Variants in FNDC3A observed in about 807,000 individuals in gnomAD.
The protein encoded by FNDC3A is fibronectin type-III domain-containing protein 3A.
In FNDC3A, 32 loss-of-function variants were observed where a neutral mutation model predicts 148.9. The ratio of observed to expected loss-of-function variants is 0.21; its 90% CI spans 0.16 to 0.29. The LOEUF (loss-of-function observed/expected upper bound fraction) is 0.29, where lower values mean the gene tolerates loss of function less well. Among genes scored for constraint, FNDC3A ranks in the 10% least tolerant of loss-of-function variants. The probability of loss-of-function intolerance (pLI) is 1.00; values close to 1 mark genes in which losing one functional copy is unlikely to be tolerated. For missense variants in FNDC3A, 1,191 were observed against 1,452.8 expected (o/e 0.82, Z 2.93); for synonymous variants, 472 against 473.6 (o/e 1.00, Z 0.04).
At chr13:49,163,174 C>G (rs962871126) in intron 8 of FNDC3A, among the ~76,000 whole-genome samples, 33 of 152,324 alleles carry the variant, frequency 2.2e-4, no homozygotes, top group African/African-American at 7.9e-4. Context: ...AGCTGTCAGA[C>G]AGGAACGTTG....
intron 25 of FNDC3A, among the ~76,000 whole-genome samples, chr13:49,205,648 A>G (rs986680887): frequency 6.6e-6 from 1 of 152,170 alleles, no homozygotes; most frequent in Non-Finnish European, 1.5e-5. Flanking sequence ...CTTATAAGGG[A>G]TACCCAACCT....
intron 1 of FNDC3A, among the ~76,000 whole-genome samples, chr13:48,985,657 CA>C (rs1005523552): frequency 1.3e-5 from 2 of 151,778 alleles, no homozygotes; most frequent in South Asian, 2.1e-4. Context: ...CATACACACA[CA>C]AAAAAAATAC....
intron 6 of FNDC3A, among the ~76,000 whole-genome samples, chr13:49,137,673 A>G (rs1044067645): frequency 2.6e-5 from 4 of 152,198 alleles, no homozygotes; most frequent in African/African-American, 9.7e-5. Flanking sequence ...ATATACTTGA[A>G]TCAATCTCTA....
At chr13:49,116,354 A>C (rs1336356329) in intron 4 of FNDC3A, among the ~76,000 whole-genome samples, 1 of 152,198 alleles carries the variant, frequency 6.6e-6, no homozygotes, top group African/African-American at 2.4e-5. Flanking sequence ...CCTATGTTCA[A>C]CAGTGTTCCA....
chr13:49,061,106 GA>G (rs1044397127), intron 2 of FNDC3A, among the ~76,000 whole-genome samples: 3 of 151,616 alleles, frequency 2.0e-5, no homozygotes, highest in Non-Finnish European at 4.4e-5. Context: ...AAAATTGAAA[GA>G]GGGGGCTTGT....
intron 1 of FNDC3A, chr13:48,976,909 A>ATG (rs1410696203): frequency 6.6e-6 from 1 of 152,216 alleles, no homozygotes; most frequent in African/African-American, 2.4e-5. Context: ...AAACGACGTC[A>ATG]TGTGTTAGGT....
intron 3 of FNDC3A, among the ~76,000 whole-genome samples, chr13:49,090,295 G>T (rs1328370938): frequency 6.6e-6 from 1 of 152,158 alleles, no homozygotes; most frequent in African/African-American, 2.4e-5. Flanking sequence ...GGTGGCATGT[G>T]CCTGTAGTCC....
At chr13:49,073,704 AATAT>A (rs1460946590) in intron 2 of FNDC3A, among the ~76,000 whole-genome samples, 1 of 144,232 alleles carries the variant, frequency 6.9e-6, no homozygotes, top group African/African-American at 2.6e-5. Context: ...ATGTATATAT[AATAT>A]ATATGTGTAT....
chr13:49,052,252 A>C (rs1043452160), intron 2 of FNDC3A, among the ~76,000 whole-genome samples: 6 of 152,194 alleles, frequency 3.9e-5, no homozygotes, highest in African/African-American at 1.4e-4. Flanking sequence ...GATGTTAAAG[A>C]ATCTTGTTTT....
rs1190919374 is a variant in FNDC3A at position 49,186,009 on chromosome 13, G to C, written c.1663G>C (p.Val555Leu). Residue 555 changes from valine to leucine, a missense_variant, in exon 15 of 26, where the codon GTA (valine) becomes CTA (leucine). Coordinates refer to ENST00000492622, the MANE Select transcript of FNDC3A (RefSeq NM_001079673.2). The stretch of plus-strand genomic sequence containing the variant: ...AGGTAAAAGTAATCCAAGTGAAGTA[G>C]TAGAATTTACTACTTGCCCTGATAA... ...SEGKSNPSEV[V>L]EFTTCPDKPG... The C allele has an allele frequency of 6.2e-7, 1 of 1,612,148 alleles. No homozygotes were observed. The highest frequency in any genetic ancestry group is 1.7e-5 in the Admixed American group (1 of 60,028).
chr13:49,175,965 TTGTCATTGGTTCTGTTTA>T (rs2138065646), intron 13 of FNDC3A, among the ~76,000 whole-genome samples: 1 of 152,356 alleles, frequency 6.6e-6, no homozygotes, highest in South Asian at 2.1e-4. Flanking sequence ...CATGTGGTTT[TTGTCATTGGTTCTGTTTA>T]TGTGATGGAT....
intron 1 of FNDC3A, among the ~76,000 whole-genome samples, chr13:48,994,544 C>T (rs745803540): frequency 1.7e-4 from 26 of 152,070 alleles, no homozygotes; most frequent in Non-Finnish European, 2.6e-4. Context: ...TTTGGGAGGC[C>T]GACGCGGGCA....
At chr13:49,127,942 C>T in intron 4 of FNDC3A, among the ~76,000 whole-genome samples, 1 of 152,022 alleles carries the variant, frequency 6.6e-6, no homozygotes, top group East Asian at 1.9e-4. Flanking sequence ...AGTGCAGCAG[C>T]ACAGTCTCGG....
rs141410831 is a variant in FNDC3A, at chr13:49,049,363, G to T, written c.100-25926G>T. ...GGATTCCCCCTTTCTCTTTCTTTTG[G>T]AATCATGTCAGTAGGATTGGTACCA... is the stretch of plus-strand genomic sequence containing the variant. On this transcript the variant is annotated intron_variant, in intron 2 of 25. Coordinates refer to ENST00000492622, the MANE Select transcript of FNDC3A (RefSeq NM_001079673.2). Among the ~76,000 whole-genome samples, 11 of 152,046 alleles carry T rather than the reference G, an allele frequency of 7.2e-5. No individual in the cohort carries two copies. The East Asian group carries it at 1.5e-3, about 21-fold the overall frequency.
At chr13:48,993,443 A>G (rs1474140313) in intron 1 of FNDC3A, among the ~76,000 whole-genome samples, 1 of 152,194 alleles carries the variant, frequency 6.6e-6, no homozygotes. Flanking sequence ...TCTTAGAGCA[A>G]CAATAGGACT....
Position 49,187,042 on chromosome 13 carries a change from G to A in FNDC3A, c.1757-80G>A, listed in dbSNP as rs529073646. The A allele has an allele frequency of 1.3e-5, 13 of 989,712 alleles. No homozygotes were observed. In the South Asian group the frequency reaches 1.7e-4, roughly 13 times the overall value. The allele number at this position is 989,712 out of a possible 1,614,324, so 61.3% of individuals were successfully genotyped here. On this transcript the variant is annotated intron_variant, in intron 15 of 25. Coordinates refer to ENST00000492622, the MANE Select transcript of FNDC3A (RefSeq NM_001079673.2). ...ATTTTTTTTTTTTAAACCTAGTTTG[G>A]TATTCTGTTTATTAGGTTTTTTTTA... is the stretch of plus-strand genomic sequence containing the variant.
At chr13:49,073,789 ATT>A (rs1491327128) in intron 2 of FNDC3A, among the ~76,000 whole-genome samples, 1 of 146,560 alleles carries the variant, frequency 6.8e-6, no homozygotes, top group Non-Finnish European at 1.5e-5. Context: ...ATGTGTATAT[ATT>A]ATATATATGT....
At chr13:49,197,021 TTTC>T in intron 20 of FNDC3A, 31 bp downstream of exon 20, 2 of 1,268,114 alleles carry the variant, frequency 1.6e-6, no homozygotes, top group Non-Finnish European at 2.3e-6. Context: ...TTGTATCTAC[TTTC>T]TTAAGTGAAT....
chr13:48,999,035 G>A (rs574147805), intron 1 of FNDC3A, among the ~76,000 whole-genome samples: 2 of 152,196 alleles, frequency 1.3e-5, no homozygotes, highest in African/African-American at 4.8e-5. Context: ...AAGTGCATGG[G>A]CCCAAAGGGC....
Sources: allele counts gnomAD v4.1 joint callset (sites outside exome capture counted in the v4.1 genomes callset), GRCh38; gene constraint gnomAD v4.1.1; transcripts MANE v1.5; gene names NCBI Gene and HGNC (gene_info 2026-07-23, HGNC 2026-07-21).